CNTN5: variants seen among roughly 807,000 people sequenced by gnomAD.
The protein encoded by CNTN5 is contactin 5, also known as contactin-5.
CNTN5 carries 77 observed loss-of-function variants against 129.1 expected under a neutral mutation model. The ratio of observed to expected loss-of-function variants is 0.60; its 90% CI spans 0.50 to 0.72. The LOEUF is 0.72. CNTN5 is among the 30% of genes least tolerant of loss of function. The probability of loss-of-function intolerance (pLI) is 0.00; values close to 1 mark genes in which losing one functional copy is unlikely to be tolerated. For synonymous variants in CNTN5, 509 were observed against 465.6 expected, an observed-to-expected ratio of 1.09 and a Z score of -1.20; for missense variants, 1,478 against 1,328.8, an observed-to-expected ratio of 1.11 and a Z score of -1.75.
At chr11:99,490,200 A>G (rs542185870) in intron 2 of CNTN5, among the ~76,000 whole-genome samples, 16 of 152,224 alleles carry the variant, frequency 1.1e-4, no homozygotes, top group Non-Finnish European at 2.2e-4. Context: ...TAATATTATA[A>G]GAAAGAAGTG....
At chr11:99,122,513 A>C (rs1332129285) in intron 1 of CNTN5, among the ~76,000 whole-genome samples, 1 of 151,994 alleles carries the variant, frequency 6.6e-6, no homozygotes, top group Non-Finnish European at 1.5e-5. Context: ...TGTAAAGTTA[A>C]TTTTTTTATA....
chr11:99,968,438 G>C (rs1446475756), intron 8 of CNTN5, among the ~76,000 whole-genome samples: 1 of 151,682 alleles, frequency 6.6e-6, no homozygotes, highest in Non-Finnish European at 1.5e-5. Flanking sequence ...TTATTTTAAG[G>C]AAAGAATTGT....
chr11:100,080,654 C>T (rs1002424213), intron 13 of CNTN5, among the ~76,000 whole-genome samples: 2 of 152,116 alleles, frequency 1.3e-5, no homozygotes, highest in African/African-American at 4.8e-5. Context: ...TTTGTTTCCA[C>T]CTACATGCTG....
At chr11:99,787,624 A>T (rs1230315293) in intron 3 of CNTN5, among the ~76,000 whole-genome samples, 2 of 152,016 alleles carry the variant, frequency 1.3e-5, no homozygotes, top group Non-Finnish European at 2.9e-5. Context: ...AGAAAAGAAC[A>T]GAAATGGTTT....
chr11:99,074,274 T>C (rs1311065931), intron 1 of CNTN5, among the ~76,000 whole-genome samples: 1 of 152,148 alleles, frequency 6.6e-6, no homozygotes, highest in Non-Finnish European at 1.5e-5. Flanking sequence ...TTCTGGATAT[T>C]AGACCTTTGT....
Position 99,949,526 on chromosome 11 carries a change from G to A in CNTN5, c.674-7280G>A, listed in dbSNP as rs1378516571. On this transcript the variant is annotated intron_variant, in intron 7 of 24. Coordinates refer to ENST00000524871, the MANE Select transcript of CNTN5 (RefSeq NM_014361.4). ...TGGAGTGAATGCTTTTTAATGCAAA[G>A]TTTGGAACCTAGGTTGAGATCGTTC... Among the ~76,000 whole-genome samples, 5 of 152,144 alleles carry A rather than the reference G, an allele frequency of 3.3e-5. No individual in the cohort carries two copies. The East Asian group carries it at 5.8e-4, about 18-fold the overall frequency.
At chr11:99,041,600 T>G (rs1015606665) in intron 1 of CNTN5, among the ~76,000 whole-genome samples, 14 of 152,198 alleles carry the variant, frequency 9.2e-5, no homozygotes, top group South Asian at 2.1e-4. Context: ...TATCTCAAAT[T>G]GATTGCCCTC....
At chr11:100,235,765 T>G (rs1362106551) in intron 16 of CNTN5, among the ~76,000 whole-genome samples, 3 of 152,148 alleles carry the variant, frequency 2.0e-5, no homozygotes, top group Non-Finnish European at 2.9e-5. Context: ...TTCAATACTT[T>G]TATATACTGT....
intron 18 of CNTN5, among the ~76,000 whole-genome samples, chr11:100,277,262 G>A (rs1020910664): frequency 1.3e-5 from 2 of 152,120 alleles, no homozygotes; most frequent in South Asian, 2.1e-4. Context: ...ATTGGCTATG[G>A]TGAATATTAC....
intron 13 of CNTN5, among the ~76,000 whole-genome samples, chr11:100,096,519 T>A (rs1413926704): frequency 1.3e-5 from 2 of 152,008 alleles, no homozygotes; most frequent in African/African-American, 4.8e-5. Flanking sequence ...ACCTGGGAGC[T>A]CCATCACTGT....
intron 2 of CNTN5, among the ~76,000 whole-genome samples, chr11:99,364,108 G>A (rs1311804200): frequency 6.6e-6 from 1 of 151,974 alleles, no homozygotes; most frequent in Non-Finnish European, 1.5e-5. Context: ...AACAAAATAA[G>A]CTTTGATAAA....
chr11:99,719,935 T>C (rs896483417), intron 3 of CNTN5, among the ~76,000 whole-genome samples: 4 of 152,032 alleles, frequency 2.6e-5, no homozygotes, highest in Admixed American at 1.3e-4. Context: ...CTAGAAGATA[T>C]TGATAAATTA....
chr11:99,325,150 C>T (rs1430005523), intron 1 of CNTN5, among the ~76,000 whole-genome samples, 196 bp from the exon 2 acceptor site: 1 of 151,786 alleles, frequency 6.6e-6, no homozygotes. Flanking sequence ...AGGAAAAATA[C>T]ATCTGAAAAA....
Position 99,644,534 on chromosome 11 carries a change from C to T in CNTN5, c.55+88265C>T, listed in dbSNP as rs963448103. Among the ~76,000 whole-genome samples, 16 of 152,116 alleles carry T rather than the reference C, an allele frequency of 1.1e-4. 1 individual carries two copies. Among genetic ancestry groups the T allele is most frequent in the African/African-American group, 2.7e-4 (11 of 41,506 alleles). ...GATGTTCTCACCATTAGAATTCTGA[C>T]GTTTAAAATTTTTTCACAGATTCCC... On this transcript the variant is annotated intron_variant, in intron 3 of 24. Transcript: ENST00000524871.
chr11:99,086,835 T>C lies in CNTN5; in HGVS notation c.-210+65565T>C, dbSNP rs916124971. ...AATGGGGTTACAGTAATTATATTAA[T>C]AATTTCAAAGGCTCTATAAAATGTT... On this transcript the variant is annotated intron_variant, in intron 1 of 24. Coordinates refer to ENST00000524871, the MANE Select transcript of CNTN5 (RefSeq NM_014361.4). 6.6e-5 allele frequency among the ~76,000 whole-genome samples: 10 copies of C among 152,188 alleles called. No homozygotes were observed. The South Asian group carries it at 2.1e-3, about 32-fold the overall frequency.
chr11:99,578,243 C>G (rs375946757), intron 3 of CNTN5, among the ~76,000 whole-genome samples: 1 of 151,850 alleles, frequency 6.6e-6, no homozygotes, highest in Non-Finnish European at 1.5e-5. Flanking sequence ...GGACATTTGG[C>G]TTGGTTCCAA....
intron 3 of CNTN5, among the ~76,000 whole-genome samples, chr11:99,722,791 T>G (rs183803274): frequency 6.6e-6 from 1 of 152,024 alleles, no homozygotes; most frequent in African/African-American, 2.4e-5. Flanking sequence ...TCTCCCCATA[T>G]GGGGAGATAT....
chr11:99,737,812 C>G (rs372641046), intron 3 of CNTN5, among the ~76,000 whole-genome samples: 3 of 152,008 alleles, frequency 2.0e-5, no homozygotes, highest in African/African-American at 7.3e-5. Flanking sequence ...CAGGATAGAA[C>G]GAGTACAGTG....
chr11:99,271,070 A>ATGAG (rs1863148583), intron 1 of CNTN5, among the ~76,000 whole-genome samples: 1 of 151,944 alleles, frequency 6.6e-6, no homozygotes, highest in Admixed American at 6.6e-5. Context: ...AAATGAATGA[A>ATGAG]TGAGTGTACA....
Sources: gnomAD v4.1 joint callset for allele counts (sites outside exome capture counted in the v4.1 genomes callset) on GRCh38, gnomAD v4.1.1 for gene constraint, MANE v1.5 for transcripts, NCBI Gene and HGNC (gene_info 2026-07-23, HGNC 2026-07-21) for gene names.